The following PDK3 variants were observed in gnomAD, a reference collection of about 807,000 sequenced individuals.
PDK3 encodes the protein pyruvate dehydrogenase kinase, isozyme 3.
PDK3 carries 12 observed loss-of-function variants against 32.0 expected under a neutral mutation model. The ratio of observed to expected loss-of-function variants is 0.37; its 90% CI spans 0.24 to 0.61. The LOEUF is 0.61. PDK3 is among the 20% of genes least tolerant of loss of function. The pLI is 0.65. For missense variants in PDK3, 188 were observed against 316.9 expected, an observed-to-expected ratio of 0.59 and a Z score of 3.09; for synonymous variants, 122 against 116.3, an observed-to-expected ratio of 1.05 and a Z score of -0.31.
chrX:24,497,566 G>A (rs978282987), intron 2 of PDK3, among the ~76,000 whole-genome samples: 1 of 112,971 alleles, frequency 8.9e-6, no homozygotes, highest in Admixed American at 9.3e-5. Flanking sequence ...GATTACAGGC[G>A]TGAGCTAACA....
At chrX:24,547,384 C>T (rs1408036139) in exon 12 of PDK3, 1 of 111,610 alleles carries the variant, frequency 9.0e-6, no homozygotes, top group African/African-American at 3.3e-5. Context: ...AGATTTTTGT[C>T]AGATTGTAGT....
Position 24,487,212 on chromosome X carries a change from A to G in PDK3, c.107-7530A>G, listed in dbSNP as rs947882938. Among the ~76,000 whole-genome samples the G allele has an allele frequency of 3.5e-5, 4 of 112,743 alleles. No individual in the cohort carries two copies. The South Asian group carries it at 1.1e-3, about 31-fold the overall frequency. ...ATTGTTTCTTCTGAAGGACTATTCA[A>G]TTAATCATTGTTTAACCCTAGTAAA... On this transcript the variant is annotated intron_variant, in intron 1 of 10. Coordinates refer to ENST00000379162, the MANE Select transcript of PDK3 (RefSeq NM_005391.5).
At chrX:24,474,333 G>A (rs1372192358) in intron 1 of PDK3, among the ~76,000 whole-genome samples, 2 of 110,999 alleles carry the variant, frequency 1.8e-5, no homozygotes, top group African/African-American at 3.3e-5. Flanking sequence ...ACTCCATATC[G>A]AGGTTATTAA....
At chrX:24,468,069 G>C (rs182595829) in intron 1 of PDK3, among the ~76,000 whole-genome samples, 2 of 111,924 alleles carry the variant, frequency 1.8e-5, no homozygotes, top group Non-Finnish European at 3.8e-5. Flanking sequence ...ATTTTGACTA[G>C]AGTAACTAGA....
intron 5 of PDK3, among the ~76,000 whole-genome samples, chrX:24,507,491 T>C (rs1236244752): frequency 1.8e-5 from 2 of 112,039 alleles, no homozygotes; most frequent in Non-Finnish European, 3.8e-5. Context: ...ATGCTCTTGG[T>C]AATTCACCTA....
At chrX:24,507,144 G>A (rs1487772979) in intron 5 of PDK3, among the ~76,000 whole-genome samples, 1 of 110,883 alleles carries the variant, frequency 9.0e-6, no homozygotes, top group Non-Finnish European at 1.9e-5. Flanking sequence ...AAGAAACCCT[G>A]GACCTGTTAG....
intron 1 of PDK3, among the ~76,000 whole-genome samples, chrX:24,487,702 A>G (rs963685868): frequency 4.4e-4 from 48 of 109,202 alleles, no homozygotes; most frequent in African/African-American, 1.5e-3. Context: ...CTTGCGGGTA[A>G]TTTTTCCATG....
chrX:24,527,148 T>C (rs1162371866), intron 7 of PDK3, among the ~76,000 whole-genome samples: 1 of 111,722 alleles, frequency 9.0e-6, no homozygotes, highest in Non-Finnish European at 1.9e-5. Context: ...TTTCAGTTTT[T>C]CTGCCTTCTT....
intron 1 of PDK3, among the ~76,000 whole-genome samples, chrX:24,482,515 C>G (rs995211662): frequency 1.7e-4 from 19 of 112,095 alleles, no homozygotes; most frequent in Admixed American, 2.9e-4. Context: ...AACCTACGCT[C>G]TTTTCAGTTT....
chrX:24,477,116 CAG>C (rs1176899720), intron 1 of PDK3, among the ~76,000 whole-genome samples: 1 of 111,745 alleles, frequency 8.9e-6, no homozygotes, highest in Non-Finnish European at 1.9e-5. Context: ...ATATCTGCCT[CAG>C]AGTGGAATTA....
chrX:24,489,684 C>CAAAAAAAAAA (rs11309543), intron 1 of PDK3, among the ~76,000 whole-genome samples: 3 of 46,706 alleles, frequency 6.4e-5, no homozygotes, highest in Non-Finnish European at 1.2e-4. Flanking sequence ...GACTCTGTCT[C>CAAAAAAAAAA]AAAAAAAAAA....
At chrX:24,521,305 A>G (rs924452137) in intron 6 of PDK3, among the ~76,000 whole-genome samples, 1 of 108,363 alleles carries the variant, frequency 9.2e-6, no homozygotes, top group Non-Finnish European at 1.9e-5. Flanking sequence ...AAAAAGATAA[A>G]CCAAATTCCC....
At chrX:24,493,412 C>T (rs776990636) in intron 1 of PDK3, among the ~76,000 whole-genome samples, 1 of 111,269 alleles carries the variant, frequency 9.0e-6, no homozygotes, top group South Asian at 3.8e-4. Flanking sequence ...CAGAATATGA[C>T]TGGAAGTGTT....
chrX:24,465,480 A>T lies in PDK3; in HGVS notation c.25A>T (p.Lys9Ter). Residue 9 changes from lysine (K) to a stop codon, truncating the protein, a stop_gained, in exon 1 of 11, where the codon AAG becomes TAG. Transcript: ENST00000379162. LOFTEE classifies it high-confidence loss of function. ...GATGCGGCTGTTCCGGTGGCTGCTG[A>T]AGCAGCCGGTGCCCAAGCAGATCGA... MRLFRWLLKQPVPKQIERY... is the reference protein window; with the variant it reads MRLFRWLL 1 of 1,206,224 alleles carries T rather than the reference A, an allele frequency of 8.3e-7. No homozygotes were observed. The highest frequency in any genetic ancestry group is 1.8e-5 in the South Asian group (1 of 56,778).
At chrX:24,504,620 T>A (rs1437618182) in intron 4 of PDK3, among the ~76,000 whole-genome samples, 1 of 112,501 alleles carries the variant, frequency 8.9e-6, no homozygotes, top group African/African-American at 3.2e-5. Context: ...ATTGCTTTTT[T>A]CTTTGGGGCT....
At chrX:24,476,619 C>T (rs1217213194) in intron 1 of PDK3, among the ~76,000 whole-genome samples, 1 of 111,503 alleles carries the variant, frequency 9.0e-6, no homozygotes, top group Non-Finnish European at 1.9e-5. Context: ...CAGTCTCTGC[C>T]GCCATCAGTA....
rs188733864 is a variant in PDK3, at chrX:24,471,839, C to T, written c.106+6278C>T. On this transcript the variant is annotated intron_variant, in intron 1 of 10. Transcript: ENST00000379162. The stretch of plus-strand genomic sequence containing the variant: ...AGTTGAAGGCTTTTTGGCCTGGATT[C>T]GTCCTTATTTGACATTGAGATCTAG... Among the ~76,000 whole-genome samples the T allele has an allele frequency of 2.7e-3, 307 of 112,094 alleles. 2 individuals carry two copies. Among genetic ancestry groups the T allele is most frequent in the Middle Eastern group, 9.3e-3 (2 of 214 alleles).
intron 6 of PDK3, among the ~76,000 whole-genome samples, chrX:24,521,916 G>A (rs753284767): frequency 6.9e-5 from 7 of 101,987 alleles, no homozygotes; most frequent in Non-Finnish European, 1.4e-4. Flanking sequence ...TTATTTTTAT[G>A]TATAAGTTCT....
chrX:24,527,131 T>C (rs1922540287), intron 7 of PDK3, among the ~76,000 whole-genome samples: 1 of 111,681 alleles, frequency 9.0e-6, no homozygotes, highest in African/African-American at 3.3e-5. Flanking sequence ...GTGGGAAGCA[T>C]GCATCCTTTC....
Sources: gnomAD v4.1 joint callset for allele counts (sites outside exome capture counted in the v4.1 genomes callset) on GRCh38, gnomAD v4.1.1 for gene constraint, MANE v1.5 for transcripts, NCBI Gene and HGNC (gene_info 2026-07-23, HGNC 2026-07-21) for gene names.